Variants in BCHE observed in about 807,000 individuals in gnomAD.
BCHE encodes cholinesterase.
In BCHE, 48 loss-of-function variants were observed where a neutral mutation model predicts 51.3. The ratio of observed to expected loss-of-function variants is 0.94; its 90% confidence interval spans 0.74 to 1.19. The LOEUF (loss-of-function observed/expected upper bound fraction) is 1.19, where lower values mean the gene tolerates loss of function less well. BCHE is among the 50% of genes most tolerant of loss of function. BCHE has a pLI of 0.00. For synonymous variants in BCHE, 251 were observed against 238.0 expected, an observed-to-expected ratio of 1.05 and a Z score of -0.50; for missense variants, 847 against 708.2, an observed-to-expected ratio of 1.20 and a Z score of -2.23.
intron 2 of BCHE, among the ~76,000 whole-genome samples, chr3:165,793,849 C>G (rs1178415893): frequency 6.6e-6 from 1 of 152,002 alleles, no homozygotes; most frequent in East Asian, 1.9e-4. Flanking sequence ...AGTTTGAGAC[C>G]AGCCTTACCT....
intron 2 of BCHE, among the ~76,000 whole-genome samples, chr3:165,825,851 T>G (rs1714702499): frequency 6.6e-6 from 1 of 152,060 alleles, no homozygotes; most frequent in African/African-American, 2.4e-5. Flanking sequence ...GACTTAAACA[T>G]TTCAAAATAG....
intron 2 of BCHE, among the ~76,000 whole-genome samples, chr3:165,825,201 A>C (rs1560020726): frequency 6.6e-6 from 1 of 152,070 alleles, no homozygotes; most frequent in African/African-American, 2.4e-5. Flanking sequence ...TGGTCAGTTG[A>C]TTTTCAAGAA....
intron 2 of BCHE, among the ~76,000 whole-genome samples, chr3:165,817,750 C>T (rs1714365965): frequency 6.6e-6 from 1 of 151,998 alleles, no homozygotes; most frequent in African/African-American, 2.4e-5. Flanking sequence ...CCAGAACTCT[C>T]ACCATGATAA....
At chr3:165,805,451 G>C (rs527625444) in intron 2 of BCHE, among the ~76,000 whole-genome samples, 1 of 150,246 alleles carries the variant, frequency 6.7e-6, no homozygotes, top group African/African-American at 2.5e-5. Flanking sequence ...GTTACTAAAG[G>C]TTACTGCTAG....
rs537887596 is a variant in BCHE, at chr3:165,773,335, G to T, written c.*47C>A. 12 of 1,555,590 alleles carry T rather than the reference G, an allele frequency of 7.7e-6. No homozygotes were observed. In the Admixed American group the frequency reaches 1.8e-4, roughly 23 times the overall value. On this transcript the variant is annotated 3_prime_UTR_variant, in exon 4 of 4. Transcript: ENST00000264381. ...GTGTAAAAAAGCTCCTGATATTTTT[G>T]CCTTGATCTAAAGGAAAATATGTTC...
At position 165,829,629 on chromosome 3, in the gene BCHE, C is replaced by G. The variant is rs1560022535; in HGVS notation, c.1405G>C (p.Glu469Gln). ...GGTAAACCAAAGACAAATTCAATTT[C>G]ATAGCCATGCATCACTCCCATCCAT... is the stretch of plus-strand genomic sequence containing the variant. Reference protein sequence around the residue: ...PEWMGVMHGYEIEFVFGLPLE... With the variant: ...PEWMGVMHGYQIEFVFGLPLE... The change falls in exon 2 of 4, where the codon GAA becomes CAA. Residue 469 changes from glutamate to glutamine, a missense_variant. By Grantham distance (29) the Glu-to-Gln change is conservative. Transcript: ENST00000264381. 6.2e-7 allele frequency: 1 copy of G among 1,613,814 alleles called. No individual in the cohort carries two copies. The highest frequency in any genetic ancestry group is 8.5e-7 in the Non-Finnish European group (1 of 1,179,838).
chr3:165,816,482 T>G (rs543983143), intron 2 of BCHE, among the ~76,000 whole-genome samples: 3 of 150,978 alleles, frequency 2.0e-5, no homozygotes, highest in African/African-American at 7.2e-5. Flanking sequence ...CACTTTAGAG[T>G]AATGCTCTTT....
intron 2 of BCHE, among the ~76,000 whole-genome samples, chr3:165,808,731 C>A (rs1245144871): frequency 1.3e-5 from 2 of 151,948 alleles, no homozygotes; most frequent in African/African-American, 4.8e-5. Flanking sequence ...TGCACCACTG[C>A]ACCCCAGCCT....
At chr3:165,831,180 C>T (rs143080124) in intron 1 of BCHE, 139 bp from the exon 2 acceptor site, 22 of 697,550 alleles carry the variant, frequency 3.2e-5, no homozygotes, top group Admixed American at 1.9e-4. Flanking sequence ...CTGTAAAGGC[C>T]TACATAGGAA....
intron 2 of BCHE, among the ~76,000 whole-genome samples, chr3:165,807,178 T>C (rs1282453351): frequency 6.6e-6 from 1 of 152,124 alleles, no homozygotes; most frequent in Non-Finnish European, 1.5e-5. Flanking sequence ...TTTTTCACAC[T>C]GGTATTTTTT....
At chr3:165,809,514 C>T (rs1713998819) in intron 2 of BCHE, among the ~76,000 whole-genome samples, 1 of 152,098 alleles carries the variant, frequency 6.6e-6, no homozygotes, top group South Asian at 2.1e-4. Flanking sequence ...TTTGTATATG[C>T]AATGTGCATT....
intron 1 of BCHE, among the ~76,000 whole-genome samples, chr3:165,834,793 T>C (rs182927849): frequency 6.6e-6 from 1 of 151,902 alleles, no homozygotes; most frequent in Admixed American, 6.6e-5. Flanking sequence ...TTTTTTAATT[T>C]TATTATTATT....
chr3:165,815,815 A>G (rs1391915464), intron 2 of BCHE, among the ~76,000 whole-genome samples: 1 of 152,062 alleles, frequency 6.6e-6, no homozygotes, highest in African/African-American at 2.4e-5. Flanking sequence ...TGAATGTTCA[A>G]GGACACACAG....
intron 3 of BCHE, chr3:165,778,733 T>C (rs1712569018): frequency 2.2e-6 from 1 of 450,518 alleles, no homozygotes. Context: ...TAGCAGCATA[T>C]AGGCTCTGTA....
At chr3:165,791,520 C>T (rs1029378838) in intron 2 of BCHE, among the ~76,000 whole-genome samples, 3 of 152,010 alleles carry the variant, frequency 2.0e-5, no homozygotes, top group African/African-American at 7.3e-5. Flanking sequence ...CATTACTTGG[C>T]AGATAGATTA....
chr3:165,810,486 G>A (rs766270573), intron 2 of BCHE, among the ~76,000 whole-genome samples: 6 of 152,000 alleles, frequency 3.9e-5, no homozygotes, highest in African/African-American at 1.4e-4. Context: ...ACTTAACATT[G>A]GTTCTTATTT....
At chr3:165,804,275 A>G (rs1196085861) in intron 2 of BCHE, among the ~76,000 whole-genome samples, 1 of 152,182 alleles carries the variant, frequency 6.6e-6, no homozygotes, top group African/African-American at 2.4e-5. Context: ...AAAGTGGGCA[A>G]TTGGTAGAGG....
chr3:165,824,341 G>T (rs1576668152), intron 2 of BCHE, among the ~76,000 whole-genome samples: 1 of 151,860 alleles, frequency 6.6e-6, no homozygotes, highest in Non-Finnish European at 1.5e-5. Flanking sequence ...AATAGAAGCA[G>T]AAAGAGCATT....
At chr3:165,800,676 C>T (rs1000975857) in intron 2 of BCHE, among the ~76,000 whole-genome samples, 19 of 151,984 alleles carry the variant, frequency 1.3e-4, no homozygotes, top group Admixed American at 1.2e-3. Context: ...GGAGAAATGG[C>T]ATATGAGGGC....
Sources: gnomAD v4.1 joint callset for allele counts (sites outside exome capture counted in the v4.1 genomes callset) on GRCh38, gnomAD v4.1.1 for gene constraint, MANE v1.5 for transcripts, NCBI Gene and HGNC (gene_info 2026-07-23, HGNC 2026-07-21) for gene names.